SGCZ: variants seen among roughly 807,000 people sequenced by gnomAD.
The protein encoded by SGCZ is zeta-sarcoglycan.
A neutral mutation model predicts 41.3 loss-of-function variants in SGCZ; 40 were observed. That is an observed-to-expected ratio of 0.97 (90% confidence interval 0.75 to 1.26). The LOEUF (loss-of-function observed/expected upper bound fraction) is 1.26. Among genes scored for constraint, SGCZ ranks in the 50% most tolerant of loss-of-function variants. The pLI is 0.00. For synonymous variants in SGCZ, 206 were observed against 137.5 expected (o/e 1.50, Z -3.49); for missense variants, 552 against 369.8 (o/e 1.49, Z -4.04).
intron 7 of SGCZ, among the ~76,000 whole-genome samples, chr8:14,097,562 C>T (rs1021060774): frequency 2.0e-5 from 3 of 152,148 alleles, no homozygotes; most frequent in Non-Finnish European, 2.9e-5. Flanking sequence ...AATGTATAGT[C>T]TGTTGATTTG....
At chr8:14,482,091 G>C (rs576683527) in intron 2 of SGCZ, among the ~76,000 whole-genome samples, 129 of 152,262 alleles carry the variant, frequency 8.5e-4, no homozygotes, top group Admixed American at 1.9e-3. Context: ...GTAGGAACTA[G>C]ACAAAGAAAG....
intron 1 of SGCZ, among the ~76,000 whole-genome samples, chr8:14,608,748 G>T (rs1417612407): frequency 6.6e-6 from 1 of 152,006 alleles, no homozygotes; most frequent in Non-Finnish European, 1.5e-5. Context: ...CATTCTACCA[G>T]GCCCCACGTC....
chr8:14,240,651 C>G (rs1403342336), intron 3 of SGCZ, among the ~76,000 whole-genome samples: 1 of 152,120 alleles, frequency 6.6e-6, no homozygotes, highest in Non-Finnish European at 1.5e-5. Context: ...TTAAGCTATA[C>G]TTATTTATTA....
At chr8:14,396,294 G>A (rs1416802937) in intron 2 of SGCZ, among the ~76,000 whole-genome samples, 3 of 152,116 alleles carry the variant, frequency 2.0e-5, no homozygotes, top group Non-Finnish European at 4.4e-5. Context: ...CCAAAAAATT[G>A]TATATTCTTG....
At chr8:14,473,136 T>C (rs542765556) in intron 2 of SGCZ, among the ~76,000 whole-genome samples, 8 of 152,260 alleles carry the variant, frequency 5.3e-5, no homozygotes, top group African/African-American at 1.9e-4. Context: ...TTAGAATGAA[T>C]TAAAATCTAT....
chr8:14,220,163 G>C (rs13270134), intron 4 of SGCZ, among the ~76,000 whole-genome samples: 1 of 152,022 alleles, frequency 6.6e-6, no homozygotes. Flanking sequence ...GGAGGCAGAA[G>C]AATGGCTTTT....
At position 15,051,858 on chromosome 8, in the gene SGCZ, C is replaced by T. The variant is rs552262670; in HGVS notation, c.39+185727G>A. On this transcript the variant is annotated intron_variant, in intron 1 of 7. Transcript: ENST00000382080. Reference sequence around the variant, plus strand: ...AACTGCACTTAGAGGTGTGTTTAAGCATTTGAGCTGGAAGGATAGGAAGTG... The same window carrying T: ...AACTGCACTTAGAGGTGTGTTTAAGTATTTGAGCTGGAAGGATAGGAAGTG... 2.3e-3 allele frequency among the ~76,000 whole-genome samples: 357 copies of T among 152,148 alleles called. 3 individuals carry two copies. The highest frequency in any genetic ancestry group is 7.7e-3 in the African/African-American group (320 of 41,504).
chr8:14,536,212 C>T (rs1167516462), intron 2 of SGCZ, among the ~76,000 whole-genome samples: 1 of 151,740 alleles, frequency 6.6e-6, no homozygotes, highest in East Asian at 1.9e-4. Context: ...CATTTCCAGA[C>T]AAGGATGCTG....
chr8:14,494,074 C>T lies in SGCZ; in HGVS notation c.234+60658G>A, dbSNP rs139773443. Among the ~76,000 whole-genome samples, 458 of 152,160 alleles carry T rather than the reference C, an allele frequency of 3.0e-3. 2 individuals carry two copies. Among genetic ancestry groups the T allele is most frequent in the African/African-American group, 0.011 (444 of 41,514 alleles). On this transcript the variant is annotated intron_variant, in intron 2 of 7. Transcript: ENST00000382080. ...TAAAAACAGGGTTAAAATATTTGTT[C>T]GCGTGTTTTCAGGAGGAAGCATGGA...
intron 1 of SGCZ, among the ~76,000 whole-genome samples, chr8:14,710,356 C>G (rs1187837982): frequency 8.2e-6 from 1 of 121,532 alleles, no homozygotes; most frequent in Admixed American, 1.1e-4. Flanking sequence ...GGCGACAGAG[C>G]GAGACTCCGC....
In SGCZ at chr8:14,688,752, G is replaced by A. The variant is rs59460780; in HGVS notation, c.40-133826C>T. Among the ~76,000 whole-genome samples the A allele has an allele frequency of 3.3e-3, 506 of 152,210 alleles. 2 individuals carry two copies. The highest frequency in any genetic ancestry group is 0.012 in the African/African-American group (478 of 41,526). On this transcript the variant is annotated intron_variant, in intron 1 of 7. Coordinates refer to ENST00000382080, the MANE Select transcript of SGCZ (RefSeq NM_139167.4). ...TGAAGAAAGTCATTGGTAGTTGGAA[G>A]TTCTGGCCAGGGCAATCAGGCAGGA...
At chr8:14,826,917 G>C (rs1273582770) in intron 1 of SGCZ, among the ~76,000 whole-genome samples, 2 of 152,012 alleles carry the variant, frequency 1.3e-5, no homozygotes, top group African/African-American at 4.8e-5. Context: ...TTCTTTTGCT[G>C]TGCAGAAGCT....
intron 1 of SGCZ, among the ~76,000 whole-genome samples, chr8:15,225,394 G>A (rs1286581602): frequency 1.3e-5 from 2 of 152,156 alleles, no homozygotes; most frequent in Non-Finnish European, 2.9e-5. Flanking sequence ...ATGTATTTCA[G>A]ACAAGTACTT....
chr8:14,843,538 G>T (rs1193732990), intron 1 of SGCZ, among the ~76,000 whole-genome samples: 1 of 152,012 alleles, frequency 6.6e-6, no homozygotes, highest in Non-Finnish European at 1.5e-5. Context: ...AAATTAAATA[G>T]TGTTATTTCT....
chr8:14,278,788 G>A (rs550521576), intron 3 of SGCZ, among the ~76,000 whole-genome samples: 1 of 152,110 alleles, frequency 6.6e-6, no homozygotes. Context: ...AAAGAGGCTG[G>A]TATTCTTCTA....
intron 3 of SGCZ, among the ~76,000 whole-genome samples, chr8:14,300,961 A>G (rs562790659): frequency 1.3e-5 from 2 of 151,988 alleles, no homozygotes; most frequent in Admixed American, 6.6e-5. Flanking sequence ...AGATGCAGCC[A>G]GCCTCCAACC....
At chr8:14,136,561 C>A (rs534226246) in intron 5 of SGCZ, among the ~76,000 whole-genome samples, 2 of 152,292 alleles carry the variant, frequency 1.3e-5, no homozygotes, top group African/African-American at 2.4e-5. Flanking sequence ...GCACAGCAGT[C>A]CCAGATCAAA....
At chr8:14,281,731 T>C (rs532675053) in intron 3 of SGCZ, among the ~76,000 whole-genome samples, 31 of 152,170 alleles carry the variant, frequency 2.0e-4, no homozygotes, top group African/African-American at 7.5e-4. Flanking sequence ...GGAATATTTG[T>C]GTCAATACAA....
intron 1 of SGCZ, among the ~76,000 whole-genome samples, chr8:15,093,678 C>G (rs755689883): frequency 6.6e-6 from 1 of 152,054 alleles, no homozygotes; most frequent in Non-Finnish European, 1.5e-5. Flanking sequence ...GTTTATTGTA[C>G]GTCAAAGTAA....
Sources: gnomAD v4.1 joint callset for allele counts (sites outside exome capture counted in the v4.1 genomes callset) on GRCh38, gnomAD v4.1.1 for gene constraint, MANE v1.5 for transcripts, NCBI Gene and HGNC (gene_info 2026-07-23, HGNC 2026-07-21) for gene names.